The following EPSTI1 variants were observed in gnomAD, a reference collection of about 807,000 sequenced individuals.
EPSTI1 encodes the protein epithelial-stromal interaction protein 1.
In EPSTI1, 66 loss-of-function variants were observed where a neutral mutation model predicts 49.9. The ratio of observed to expected loss-of-function variants is 1.32; its 90% CI spans 1.08 to 1.62. The LOEUF is 1.62. Ranked by LOEUF, EPSTI1 falls within the 40% of genes most tolerant of loss-of-function variation. EPSTI1 has a pLI of 0.00. For missense variants in EPSTI1, 394 were observed against 365.5 expected (o/e 1.08, Z -0.64); for synonymous variants, 137 against 130.7 (o/e 1.05, Z -0.33).
intron 10 of EPSTI1, among the ~76,000 whole-genome samples, chr13:42,892,910 G>C (rs970959661): frequency 1.3e-5 from 2 of 152,142 alleles, no homozygotes; most frequent in African/African-American, 4.8e-5. Context: ...ACCCAGGAGA[G>C]AGTACAGTGT....
At chr13:42,986,542 A>C (rs974845222) in intron 1 of EPSTI1, among the ~76,000 whole-genome samples, 1 of 152,162 alleles carries the variant, frequency 6.6e-6, no homozygotes, top group Non-Finnish European at 1.5e-5. Context: ...CAGGAGTTCG[A>C]GACCAGCCTG....
In EPSTI1 at chr13:42,963,315, T is replaced by G. The variant is rs753288129; in HGVS notation, c.429A>C (p.Arg143Ser). 2 of 1,612,624 alleles carry G rather than the reference T, an allele frequency of 1.2e-6. No individual in the cohort carries two copies. Among genetic ancestry groups the G allele is most frequent in the South Asian group, 2.2e-5 (2 of 90,720 alleles). Residue 143 changes from arginine (R) to serine (S), a missense_variant, in exon 5 of 11, where the codon AGA (arginine) becomes AGC (serine). Arg to Ser is a moderately radical substitution (Grantham distance 110). Transcript: ENST00000313624. ...KQKLKREESV[R>S]IKKEAEEAEL... ...CAGCTTCTTCAGCTTCCTTCTTGAT[T>G]CTTACAGATTCTTCTCTTTTTAGCT...
At chr13:42,969,637 G>C (rs2039716057) in intron 2 of EPSTI1, 1 of 174,878 alleles carries the variant, frequency 5.7e-6, no homozygotes. Context: ...TGCGACTCTA[G>C]GGAATGAGGG....
intron 6 of EPSTI1, among the ~76,000 whole-genome samples, chr13:42,942,126 C>G (rs2038772569): frequency 6.6e-6 from 1 of 151,924 alleles, no homozygotes; most frequent in Admixed American, 6.6e-5. Flanking sequence ...TGTTTTTCAC[C>G]TTGAATTCAA....
chr13:42,923,218 T>C (rs2038069191), intron 7 of EPSTI1, among the ~76,000 whole-genome samples: 1 of 152,150 alleles, frequency 6.6e-6, no homozygotes, highest in South Asian at 2.1e-4. Context: ...TTTGGGGAAG[T>C]GAAACACCAG....
In EPSTI1 at chr13:42,888,333, G is replaced by A. The variant is rs747228594; in HGVS notation, c.*161C>T. 8 of 1,614,142 alleles carry A rather than the reference G, an allele frequency of 5.0e-6. No homozygotes were observed. The South Asian group carries it at 7.7e-5, about 16-fold the overall frequency. On this transcript the variant is annotated 3_prime_UTR_variant, in exon 11 of 11. Transcript: ENST00000313624. ...AGCTCCTCCAAACATGCATAAATGA[G>A]GACAAGGAGAAGCCAGTCACTCCTG... is the stretch of plus-strand genomic sequence containing the variant.
intron 8 of EPSTI1, among the ~76,000 whole-genome samples, chr13:42,909,695 C>T (rs1011250347): frequency 6.6e-6 from 1 of 151,980 alleles, no homozygotes; most frequent in Non-Finnish European, 1.5e-5. Flanking sequence ...ACAAATACCA[C>T]ATGATATCAT....
intron 3 of EPSTI1, 41 bp downstream of exon 3, chr13:42,969,053 C>T (rs750845400): frequency 2.2e-5 from 35 of 1,602,112 alleles, no homozygotes; most frequent in Non-Finnish European, 2.8e-5. Flanking sequence ...CCATAGGTGG[C>T]CCCGCCCTCC....
chr13:42,918,595 T>C (rs2037904279), intron 7 of EPSTI1, among the ~76,000 whole-genome samples: 1 of 152,174 alleles, frequency 6.6e-6, no homozygotes, highest in Non-Finnish European at 1.5e-5. Context: ...TCTGTCACTA[T>C]AAAAACCCAT....
intron 4 of EPSTI1, chr13:42,963,634 G>T: frequency 2.8e-6 from 1 of 355,564 alleles, no homozygotes; most frequent in Non-Finnish European, 5.0e-6. Context: ...TGTGTGTATT[G>T]GGGAGGGAAA....
Position 42,926,209 on chromosome 13 carries a change from G to A in EPSTI1, c.657+127C>T, listed in dbSNP as rs976364930. On this transcript the variant is annotated intron_variant, in intron 7 of 10. Coordinates refer to ENST00000313624, the MANE Select transcript of EPSTI1 (RefSeq NM_033255.5). ...AGGCAACAGTTGAGGTCAAAGTTTC[G>A]GATCAGGTCATCTGTCTTTAGTTCC... The A allele has an allele frequency of 1.4e-4, 98 of 680,876 alleles. No individual in the cohort carries two copies. In the Middle Eastern group the frequency reaches 4.5e-3, roughly 31 times the overall value. 42.2% of individuals were successfully genotyped at this position (680,876 alleles called of 1,614,324 possible).
chr13:42,984,988 A>G (rs1217901483), intron 1 of EPSTI1, among the ~76,000 whole-genome samples: 1 of 152,204 alleles, frequency 6.6e-6, no homozygotes. Context: ...TATTAGTTTG[A>G]GTCCTTCAGA....
chr13:42,890,489 G>A (rs896506712), intron 10 of EPSTI1, among the ~76,000 whole-genome samples: 4 of 151,832 alleles, frequency 2.6e-5, no homozygotes, highest in South Asian at 2.1e-4. Context: ...TAGTAGAGAC[G>A]GGGTTTCATC....
intron 9 of EPSTI1, among the ~76,000 whole-genome samples, chr13:42,895,582 A>C (rs959204953): frequency 3.3e-5 from 5 of 152,216 alleles, no homozygotes; most frequent in Non-Finnish European, 7.3e-5. Flanking sequence ...AACCCCATAC[A>C]TGAAAAGCAG....
chr13:42,934,400 T>G (rs1353400931), intron 6 of EPSTI1: 1 of 155,196 alleles, frequency 6.4e-6, no homozygotes, highest in Non-Finnish European at 1.5e-5. Flanking sequence ...CATCTGGGCT[T>G]GGAACGCCAG....
At chr13:42,969,299 A>T in intron 2 of EPSTI1, 122 bp from the exon 3 acceptor site, 5 of 930,744 alleles carry the variant, frequency 5.4e-6, no homozygotes, top group Non-Finnish European at 8.1e-6. Flanking sequence ...TGAGTGAACA[A>T]GGCTTCCAGG....
At chr13:42,988,850 GTTTATTTATTTA>G (rs71734350) in intron 1 of EPSTI1, among the ~76,000 whole-genome samples, 12 of 149,876 alleles carry the variant, frequency 8.0e-5, no homozygotes, top group Non-Finnish European at 1.2e-4. Context: ...CAAATAGGTG[GTTTATTTATTTA>G]TTTATTTATT....
intron 6 of EPSTI1, 140 bp from the exon 7 acceptor site, chr13:42,926,569 C>T (rs568178598): frequency 4.5e-6 from 3 of 673,992 alleles, no homozygotes; most frequent in African/African-American, 1.8e-5. Context: ...ACGTTGAGAA[C>T]AAGGTGTAGC....
At position 42,992,018 on chromosome 13, in the gene EPSTI1, C is replaced by A; in HGVS notation, c.148G>T (p.Gly50Cys). Reference protein sequence around the residue: ...QREGLEAAPKGPSRESVVHAG... With the variant: ...QREGLEAAPKCPSRESVVHAG... Reference sequence around the variant, plus strand: ...TGCACGACGCTCTCCCGCGAAGGGCCCTTAGGGGCTGCCTCCAAACCCTCT... The same window carrying A: ...TGCACGACGCTCTCCCGCGAAGGGCACTTAGGGGCTGCCTCCAAACCCTCT... Residue 50 changes from glycine (G) to cysteine (C), a missense_variant, in exon 1 of 11, where the codon GGC (glycine) becomes TGC (cysteine). Gly to Cys is a radical substitution (Grantham distance 159, BLOSUM62 -3). Coordinates refer to ENST00000313624, the MANE Select transcript of EPSTI1 (RefSeq NM_033255.5). 1 of 1,613,442 alleles carries A rather than the reference C, an allele frequency of 6.2e-7. No individual in the cohort carries two copies. The highest frequency in any genetic ancestry group is 8.5e-7 in the Non-Finnish European group (1 of 1,180,034).
Sources: gnomAD v4.1 joint callset for allele counts (sites outside exome capture counted in the v4.1 genomes callset) on GRCh38, gnomAD v4.1.1 for gene constraint, MANE v1.5 for transcripts, NCBI Gene and HGNC (gene_info 2026-07-23, HGNC 2026-07-21) for gene names.